IGFBP2: variants seen among roughly 807,000 people sequenced by gnomAD.
IGFBP2 encodes the protein insulin-like growth factor-binding protein 2.
IGFBP2 carries 12 observed loss-of-function variants against 26.2 expected under a neutral mutation model. The ratio of observed to expected loss-of-function variants is 0.46; its 90% confidence interval spans 0.29 to 0.74. The LOEUF is 0.74. Ranked by LOEUF, IGFBP2 falls within the 30% of genes least tolerant of loss-of-function variation. IGFBP2 has a pLI of 0.09. For synonymous variants in IGFBP2, 189 were observed against 200.6 expected (o/e 0.94, Z 0.49); for missense variants, 328 against 441.2 (o/e 0.74, Z 2.30).
chr2:216,654,014 C>T (rs1362441961), intron 1 of IGFBP2, among the ~76,000 whole-genome samples: 1 of 152,100 alleles, frequency 6.6e-6, no homozygotes, highest in Non-Finnish European at 1.5e-5. Context: ...CACCATAGCC[C>T]ATGGAGTTGC....
At position 216,656,183 on chromosome 2, in the gene IGFBP2, G is replaced by A. The variant is rs184426352; in HGVS notation, c.443-4374G>A. Among the ~76,000 whole-genome samples, 469 of 152,186 alleles carry A rather than the reference G, an allele frequency of 3.1e-3. 1 individual carries two copies. Among genetic ancestry groups the A allele is most frequent in the Non-Finnish European group, 4.6e-3 (313 of 68,000 alleles). ...GGGCCTTCTTCTGAGGATTAATGTT[G>A]GATTGACCTCTGGGACGCAGCCAAG... On this transcript the variant is annotated intron_variant, in intron 1 of 3. Transcript: ENST00000233809.
chr2:216,650,557 C>T lies in IGFBP2; in HGVS notation c.443-10000C>T, dbSNP rs9341158. Among the ~76,000 whole-genome samples, 726 of 152,296 alleles carry T rather than the reference C, an allele frequency of 4.8e-3. 7 individuals carry two copies. The highest frequency in any genetic ancestry group is 0.013 in the East Asian group (69 of 5,178). ...TCATCTCCTGTAGGTGTTTTGTCACCGTGGAAGGGCAGTAGCCTGTGCCTG... is the reference window on the plus strand; with the variant it reads ...TCATCTCCTGTAGGTGTTTTGTCACTGTGGAAGGGCAGTAGCCTGTGCCTG... On this transcript the variant is annotated intron_variant, in intron 1 of 3. Coordinates refer to ENST00000233809, the MANE Select transcript of IGFBP2 (RefSeq NM_000597.3).
At chr2:216,640,552 C>T (rs1181716481) in intron 1 of IGFBP2, among the ~76,000 whole-genome samples, 1 of 152,174 alleles carries the variant, frequency 6.6e-6, no homozygotes, top group Non-Finnish European at 1.5e-5. Context: ...GAACTGGCTT[C>T]TGTGCCTGCT....
intron 1 of IGFBP2, among the ~76,000 whole-genome samples, chr2:216,658,537 TA>T (rs1456423240): frequency 1.4e-5 from 2 of 137,940 alleles, no homozygotes; most frequent in Non-Finnish European, 3.0e-5. Flanking sequence ...TTTATTTATT[TA>T]TTTATTTATT....
chr2:216,657,042 G>T, intron 1 of IGFBP2, among the ~76,000 whole-genome samples: 1 of 152,210 alleles, frequency 6.6e-6, no homozygotes, highest in East Asian at 1.9e-4. Context: ...GCGAACTGGA[G>T]GTTCCCACTT....
intron 1 of IGFBP2, among the ~76,000 whole-genome samples, chr2:216,656,444 C>T (rs907811126): frequency 1.1e-4 from 17 of 152,208 alleles, no homozygotes; most frequent in African/African-American, 3.9e-4. Flanking sequence ...AATGGGCTAT[C>T]AGCTTACAGG....
At chr2:216,658,662 G>A (rs573894659) in intron 1 of IGFBP2, among the ~76,000 whole-genome samples, 1 of 152,186 alleles carries the variant, frequency 6.6e-6, no homozygotes, top group African/African-American at 2.4e-5. Flanking sequence ...CAATTGTCCT[G>A]TGTCACCCTT....
At chr2:216,642,822 C>T (rs941552766) in intron 1 of IGFBP2, among the ~76,000 whole-genome samples, 7 of 152,112 alleles carry the variant, frequency 4.6e-5, no homozygotes, top group African/African-American at 1.7e-4. Flanking sequence ...GGTTGAGTTC[C>T]TCCTTTGCCT....
At chr2:216,644,037 C>G (rs1191472535) in intron 1 of IGFBP2, among the ~76,000 whole-genome samples, 1 of 152,138 alleles carries the variant, frequency 6.6e-6, no homozygotes. Context: ...ACTCCTGTTC[C>G]TGAACAAAGC....
chr2:216,663,721 G>C (rs1226192128), intron 3 of IGFBP2: 2 of 490,336 alleles, frequency 4.1e-6, no homozygotes, highest in African/African-American at 3.9e-5. Context: ...CATCACGTTG[G>C]AGCTCGCTAG....
chr2:216,661,294 G>C (rs1688639790), intron 2 of IGFBP2: 1 of 250,180 alleles, frequency 4.0e-6, no homozygotes, highest in Non-Finnish European at 7.8e-6. Context: ...GTGGAAATGT[G>C]GGTCTCACTA....
intron 1 of IGFBP2, among the ~76,000 whole-genome samples, chr2:216,652,190 T>A (rs1361695031): frequency 6.6e-6 from 1 of 150,528 alleles, no homozygotes; most frequent in Non-Finnish European, 1.5e-5. Flanking sequence ...TTTTTTTTTT[T>A]GAGACTGAGC....
intron 1 of IGFBP2, among the ~76,000 whole-genome samples, chr2:216,638,897 T>C (rs1697557735): frequency 6.6e-6 from 1 of 151,448 alleles, no homozygotes; most frequent in South Asian, 2.1e-4. Context: ...AGACGGGGTT[T>C]CACAGTGTTA....
chr2:216,636,616 G>GATCT (rs1029688563), intron 1 of IGFBP2, among the ~76,000 whole-genome samples: 49 of 152,278 alleles, frequency 3.2e-4, no homozygotes, highest in African/African-American at 1.1e-3. Context: ...GAGACCCTGA[G>GATCT]ATCTGCTTGA....
chr2:216,639,226 G>C (rs1307010941), intron 1 of IGFBP2, among the ~76,000 whole-genome samples: 1 of 151,910 alleles, frequency 6.6e-6, no homozygotes, highest in Non-Finnish European at 1.5e-5. Context: ...GTAGAGGCAG[G>C]GTTTTACCAT....
At chr2:216,639,484 G>T (rs1697569920) in intron 1 of IGFBP2, among the ~76,000 whole-genome samples, 1 of 152,204 alleles carries the variant, frequency 6.6e-6, no homozygotes, top group African/African-American at 2.4e-5. Flanking sequence ...GGGCTGTGAG[G>T]CCACATCCAC....
chr2:216,644,659 C>T (rs1217333697), intron 1 of IGFBP2, among the ~76,000 whole-genome samples: 1 of 152,180 alleles, frequency 6.6e-6, no homozygotes, highest in African/African-American at 2.4e-5. Context: ...AGTGATATAA[C>T]AGTGATAAAC....
At position 216,662,075 on chromosome 2, in the gene IGFBP2, C is replaced by T. The variant is rs536719432; in HGVS notation, c.813+77C>T. On this transcript the variant is annotated intron_variant, in intron 3 of 3. Coordinates refer to ENST00000233809, the MANE Select transcript of IGFBP2 (RefSeq NM_000597.3). The stretch of plus-strand genomic sequence containing the variant: ...CCAGATGTGCCTTGTTTCTGCCCCA[C>T]CCGCCTATGATCCTCTGAGGTCTGA... 3.2e-4 allele frequency: 479 copies of T among 1,505,452 alleles called. 3 individuals are homozygous for T. Among genetic ancestry groups the T allele is most frequent in the South Asian group, 2.6e-3 (217 of 83,112 alleles). 93.3% of individuals were successfully genotyped at this position (1,505,452 alleles called of 1,614,324 possible). A position where few individuals can be genotyped will look rare whatever the true frequency, so the allele number is the denominator to read the frequency against.
chr2:216,655,881 C>T (rs1190634591), intron 1 of IGFBP2, among the ~76,000 whole-genome samples: 22 of 149,028 alleles, frequency 1.5e-4, no homozygotes, highest in Admixed American at 6.0e-4. Flanking sequence ...GGTGACAGAG[C>T]GATACTCTGT....
Sources: allele counts gnomAD v4.1 joint callset (sites outside exome capture counted in the v4.1 genomes callset), GRCh38; gene constraint gnomAD v4.1.1; transcripts MANE v1.5; gene names NCBI Gene and HGNC (gene_info 2026-07-23, HGNC 2026-07-21).